Variants in NCOR1 observed in about 807,000 individuals in gnomAD.
NCOR1 encodes the protein nuclear receptor corepressor 1.
Under a neutral mutation model 288.1 loss-of-function variants are expected in NCOR1, and 63 were observed. The ratio of observed to expected loss-of-function variants is 0.22; its 90% confidence interval spans 0.18 to 0.27. The LOEUF is 0.27. Among genes scored for constraint, NCOR1 ranks in the 10% least tolerant of loss-of-function variants. The pLI, the probability that NCOR1 is intolerant of heterozygous loss-of-function variation, is 1.00. For synonymous variants in NCOR1, 1,007 were observed against 1,065.9 expected (o/e 0.94, Z 1.08); for missense variants, 2,397 against 3,019.2 (o/e 0.79, Z 4.83).
rs764876927 is a variant in NCOR1 at position 16,039,660 on chromosome 17, A to G, written c.6734-6T>C. On this transcript the variant is annotated splice_region_variant and splice_polypyrimidine_tract_variant and intron_variant, in intron 43 of 45. Coordinates refer to ENST00000268712, the MANE Select transcript of NCOR1 (RefSeq NM_006311.4). Reference sequence around the variant, plus strand: ...GCCTCTAGAGCTAACTGAGCCTGAAAGAGAATCAAAAACATTTCCACTTAT... The same window carrying G: ...GCCTCTAGAGCTAACTGAGCCTGAAGGAGAATCAAAAACATTTCCACTTAT... 1.2e-6 allele frequency: 2 copies of G among 1,610,016 alleles called. No homozygotes were observed. Among genetic ancestry groups the G allele is most frequent in the African/African-American group, 1.3e-5 (1 of 74,848 alleles).
chr17:16,212,212 C>G (rs1296630843), intron 1 of NCOR1, among the ~76,000 whole-genome samples: 1 of 151,880 alleles, frequency 6.6e-6, no homozygotes, highest in Non-Finnish European at 1.5e-5. Flanking sequence ...TTGCAGTGAG[C>G]CTGAGATCAC....
intron 1 of NCOR1, among the ~76,000 whole-genome samples, chr17:16,202,352 G>A (rs867183140): frequency 1.5e-4 from 23 of 150,044 alleles, no homozygotes; most frequent in African/African-American, 5.2e-4. Flanking sequence ...AGTGAGCCGA[G>A]ATCGCACCCC....
At position 16,072,138 on chromosome 17, in the gene NCOR1, A is replaced by T; in HGVS notation, c.3895+7T>A. On this transcript the variant is annotated splice_region_variant and intron_variant, in intron 29 of 45. Transcript: ENST00000268712. ...AAATAAAAATGCAAAACAAGCAGAA[A>T]GTTTACCCTGCATTATGGAGCCAGA... 2 of 1,587,598 alleles carry T rather than the reference A, an allele frequency of 1.3e-6. No homozygotes were observed. Among genetic ancestry groups the T allele is most frequent in the Non-Finnish European group, 1.7e-6 (2 of 1,165,910 alleles).
intron 1 of NCOR1, among the ~76,000 whole-genome samples, chr17:16,204,464 TAA>T (rs1286804400): frequency 2.0e-5 from 3 of 152,110 alleles, no homozygotes; most frequent in East Asian, 3.9e-4. Flanking sequence ...GGCATGCAGT[TAA>T]AAAGTCTTCC....
chr17:16,040,843 AAC>A lies in NCOR1; in HGVS notation c.6680-351_6680-350del, dbSNP rs1337412950. 6 of 279,004 alleles carry A rather than the reference AAC, an allele frequency of 2.2e-5. No homozygotes were observed. In the East Asian group the frequency reaches 5.4e-4, roughly 25 times the overall value. 17.3% of individuals were successfully genotyped at this position (279,004 alleles called of 1,614,324 possible). On this transcript the variant is annotated intron_variant, in intron 42 of 45. Transcript: ENST00000268712. ...ATAGGAATTTGAGGCCAGCCTGGGC[AAC>A]ACAGTGAGACTCTCCCATCTGTTTA...
chr17:16,094,586 C>T (rs1292957683), intron 21 of NCOR1, among the ~76,000 whole-genome samples: 1 of 152,166 alleles, frequency 6.6e-6, no homozygotes, highest in Admixed American at 6.5e-5. Context: ...CTCTCTCCTC[C>T]CCTTTCCATG....
At chr17:16,177,774 G>T (rs1398202712) in intron 3 of NCOR1, among the ~76,000 whole-genome samples, 1 of 152,142 alleles carries the variant, frequency 6.6e-6, no homozygotes, top group Non-Finnish European at 1.5e-5. Flanking sequence ...GAGAAACCAG[G>T]ATGGCATAAT....
chr17:16,197,840 A>G (rs1436711475), intron 1 of NCOR1, among the ~76,000 whole-genome samples: 1 of 152,140 alleles, frequency 6.6e-6, no homozygotes, highest in Non-Finnish European at 1.5e-5. Context: ...TAAATATTAT[A>G]TGTAGGACTT....
At position 16,086,327 on chromosome 17, in the gene NCOR1, C is replaced by T. The variant is rs780968680; in HGVS notation, c.3132G>A (p.Val1044=). 1.9e-6 allele frequency: 3 copies of T among 1,614,062 alleles called. No individual in the cohort carries two copies. Among genetic ancestry groups the T allele is most frequent in the Non-Finnish European group, 2.5e-6 (3 of 1,179,994 alleles). ...PPLIPSSKTT[V]ASEKPSFIMG... Reference sequence around the variant, plus strand: ...TTATAAAAGATGGTTTTTCTGAAGCCACTGTGGTTTTGGATGACGGGATGA... The same window carrying T: ...TTATAAAAGATGGTTTTTCTGAAGCTACTGTGGTTTTGGATGACGGGATGA... The change falls in exon 23 of 46, where the codon GTG becomes GTA. Residue 1044 remains valine, a synonymous_variant. Coordinates refer to ENST00000268712, the MANE Select transcript of NCOR1 (RefSeq NM_006311.4).
At chr17:16,087,686 T>G (rs2064463229) in intron 22 of NCOR1, among the ~76,000 whole-genome samples, 1 of 152,242 alleles carries the variant, frequency 6.6e-6, no homozygotes, top group African/African-American at 2.4e-5. Flanking sequence ...GACTGGAGGT[T>G]ATTAGCTTTG....
intron 23 of NCOR1, 116 bp downstream of exon 23, chr17:16,086,166 A>T (rs1217884540): frequency 8.6e-7 from 1 of 1,162,124 alleles, no homozygotes; most frequent in East Asian, 2.4e-5. Context: ...TTGAAACTTC[A>T]TATTCAGACA....
Position 16,119,406 on chromosome 17 carries a change from G to T in NCOR1, c.1915+17C>A. The stretch of plus-strand genomic sequence containing the variant: ...AACAAAACAAAAACCTGAGAAACCA[G>T]AACTACTACAATTTACCTTTTTTAG... On this transcript the variant is annotated intron_variant, in intron 17 of 45. Coordinates refer to ENST00000268712, the MANE Select transcript of NCOR1 (RefSeq NM_006311.4). 6.3e-7 allele frequency: 1 copy of T among 1,585,260 alleles called. No homozygotes were observed. The highest frequency in any genetic ancestry group is 1.1e-5 in the South Asian group (1 of 88,848).
chr17:16,186,784 TG>T, intron 2 of NCOR1, 97 bp from the exon 3 acceptor site: 2 of 1,089,874 alleles, frequency 1.8e-6, no homozygotes, highest in South Asian at 3.1e-5. Context: ...CCACTAAGTA[TG>T]GAAAGAAAGA....
intron 18 of NCOR1, among the ~76,000 whole-genome samples, chr17:16,117,076 G>A (rs1412518441): frequency 6.6e-6 from 1 of 152,090 alleles, no homozygotes; most frequent in Non-Finnish European, 1.5e-5. Context: ...CCACTACACT[G>A]GAACTTACTT....
At chr17:16,103,513 A>G (rs4792721) in intron 19 of NCOR1, among the ~76,000 whole-genome samples, 91,778 of 152,174 alleles carry the variant, frequency 0.6, 28,260 homozygotes, top group African/African-American at 0.69. Context: ...TGCTGGTATG[A>G]TCTGCAAGGC....
intron 40 of NCOR1, among the ~76,000 whole-genome samples, chr17:16,051,675 G>A (rs1352958611): frequency 6.6e-6 from 1 of 152,140 alleles, no homozygotes; most frequent in African/African-American, 2.4e-5. Flanking sequence ...ACGTGGGGAC[G>A]CTAAGGCAGG....
At chr17:16,148,627 G>A (rs965874530) in intron 9 of NCOR1, among the ~76,000 whole-genome samples, 1 of 102,218 alleles carries the variant, frequency 9.8e-6, no homozygotes, top group Non-Finnish European at 1.8e-5. Flanking sequence ...AAAAATACAT[G>A]AGCTAATTTC....
At chr17:16,127,233 A>G (rs1167624763) in intron 14 of NCOR1, among the ~76,000 whole-genome samples, 4 of 141,246 alleles carry the variant, frequency 2.8e-5, no homozygotes, top group South Asian at 2.2e-4. Flanking sequence ...ATATACATGT[A>G]TGCATATATG....
At chr17:16,071,325 GAACCACTTATAATTAT>G (rs1007057087) in intron 30 of NCOR1, 68 bp downstream of exon 30, 4 of 1,507,646 alleles carry the variant, frequency 2.7e-6, no homozygotes, top group Non-Finnish European at 3.6e-6. Context: ...GACATCATAA[GAACCACTTATAATTAT>G]TAAGTCACAC....
Sources: allele counts gnomAD v4.1 joint callset (sites outside exome capture counted in the v4.1 genomes callset), GRCh38; gene constraint gnomAD v4.1.1; transcripts MANE v1.5; gene names NCBI Gene and HGNC (gene_info 2026-07-23, HGNC 2026-07-21).